The following ARID4B variants were observed in gnomAD, a reference collection of about 807,000 sequenced individuals.
ARID4B encodes the protein AT-rich interactive domain-containing protein 4B.
Under a neutral mutation model 147.5 loss-of-function variants are expected in ARID4B, and 26 were observed. The ratio of observed to expected loss-of-function variants is 0.18; its 90% confidence interval spans 0.13 to 0.24. The LOEUF is 0.24. Among genes scored for constraint, ARID4B ranks in the 10% least tolerant of loss-of-function variants. The probability of loss-of-function intolerance (pLI) is 1.00; values close to 1 mark genes in which losing one functional copy is unlikely to be tolerated. For missense variants in ARID4B, 1,179 were observed against 1,511.5 expected (o/e 0.78, Z 3.65); for synonymous variants, 512 against 507.9 (o/e 1.01, Z -0.11).
chr1:235,193,310 T>A (rs1305573441), intron 19 of ARID4B, among the ~76,000 whole-genome samples: 1 of 152,038 alleles, frequency 6.6e-6, no homozygotes, highest in African/African-American at 2.4e-5. Context: ...GGTGTGAGGA[T>A]CTTTAGAGTC....
intron 17 of ARID4B, among the ~76,000 whole-genome samples, chr1:235,203,182 C>T (rs1666068378): frequency 6.6e-6 from 1 of 152,154 alleles, no homozygotes; most frequent in African/African-American, 2.4e-5. Flanking sequence ...TTGCTCTCAC[C>T]ACAGAAAAAT....
intron 19 of ARID4B, among the ~76,000 whole-genome samples, chr1:235,187,731 T>G (rs1314585762): frequency 6.6e-6 from 1 of 152,216 alleles, no homozygotes; most frequent in Non-Finnish European, 1.5e-5. Context: ...TATGCATTCA[T>G]ATGATGATCA....
chr1:235,198,856 T>C (rs1004966679), intron 17 of ARID4B, among the ~76,000 whole-genome samples: 5 of 152,292 alleles, frequency 3.3e-5, no homozygotes, highest in African/African-American at 1.2e-4. Flanking sequence ...TCCCAGCACT[T>C]TGGAAGGCTG....
chr1:235,289,059 T>A (rs1198618409), intron 2 of ARID4B, among the ~76,000 whole-genome samples: 1 of 152,188 alleles, frequency 6.6e-6, no homozygotes, highest in Non-Finnish European at 1.5e-5. Context: ...CAGGAATAAA[T>A]GGCCAAATTC....
intron 2 of ARID4B, among the ~76,000 whole-genome samples, chr1:235,278,802 T>C (rs1299134874): frequency 1.3e-5 from 2 of 152,238 alleles, no homozygotes; most frequent in African/African-American, 4.8e-5. Flanking sequence ...TTGGTATTCC[T>C]GTACATGGGA....
At chr1:235,169,231 T>TA (rs978140392) in intron 23 of ARID4B, among the ~76,000 whole-genome samples, 4 of 144,978 alleles carry the variant, frequency 2.8e-5, no homozygotes, top group African/African-American at 5.4e-5. Context: ...CCTTTTTTCG[T>TA]TTTTTTTTGT....
intron 2 of ARID4B, 68 bp from the exon 3 acceptor site, chr1:235,260,820 TAGTG>T: frequency 9.3e-7 from 1 of 1,074,764 alleles, no homozygotes; most frequent in South Asian, 1.4e-5. Context: ...GACCTCAGAA[TAGTG>T]AGCCTAATCT....
chr1:235,268,178 C>G (rs897216590), intron 2 of ARID4B, among the ~76,000 whole-genome samples: 1 of 152,042 alleles, frequency 6.6e-6, no homozygotes, highest in Non-Finnish European at 1.5e-5. Flanking sequence ...ATCCATTACC[C>G]GGACCAAATA....
At chr1:235,265,009 G>A (rs1315118366) in intron 2 of ARID4B, among the ~76,000 whole-genome samples, 1 of 141,256 alleles carries the variant, frequency 7.1e-6, no homozygotes, top group African/African-American at 2.7e-5. Context: ...GCAGTGAGCC[G>A]AGATCATGCC....
At chr1:235,273,778 T>A (rs565722290) in intron 2 of ARID4B, among the ~76,000 whole-genome samples, 1 of 152,292 alleles carries the variant, frequency 6.6e-6, no homozygotes, top group Admixed American at 6.5e-5. Context: ...AACACAAATA[T>A]GGCACAGACT....
chr1:235,195,767 G>C (rs1465414873), intron 18 of ARID4B, among the ~76,000 whole-genome samples: 3 of 152,154 alleles, frequency 2.0e-5, no homozygotes, highest in African/African-American at 7.2e-5. Context: ...TTGGGAACTA[G>C]AGGGGAAGGA....
chr1:235,187,877 G>A (rs1664801397), intron 19 of ARID4B, among the ~76,000 whole-genome samples: 1 of 152,034 alleles, frequency 6.6e-6, no homozygotes, highest in African/African-American at 2.4e-5. Flanking sequence ...ACTCATTGTT[G>A]AACTAACAGG....
chr1:235,306,884 A>C (rs1048688360), intron 2 of ARID4B, among the ~76,000 whole-genome samples: 1 of 152,034 alleles, frequency 6.6e-6, no homozygotes, highest in African/African-American at 2.4e-5. Flanking sequence ...TCTCAAACTC[A>C]AAGTAAACTT....
At chr1:235,326,777 G>C (rs933420454) in intron 2 of ARID4B, 137 bp downstream of exon 2, 1 of 1,113,428 alleles carries the variant, frequency 9.0e-7, no homozygotes, top group Non-Finnish European at 1.4e-6. Flanking sequence ...GGTCTCTCTG[G>C]GGAAGGGCTC....
At chr1:235,302,921 A>T (rs2103252634) in intron 2 of ARID4B, among the ~76,000 whole-genome samples, 1 of 128,878 alleles carries the variant, frequency 7.8e-6, no homozygotes, top group East Asian at 2.0e-4. Context: ...GAGAGTTTAT[A>T]TTCTTCTTTT....
chr1:235,212,156 A>G (rs960654698), intron 17 of ARID4B, among the ~76,000 whole-genome samples: 1 of 152,164 alleles, frequency 6.6e-6, no homozygotes, highest in Non-Finnish European at 1.5e-5. Context: ...GCAGCACAAG[A>G]ATCGCTTGAG....
Position 235,252,736 on chromosome 1 carries a change from T to C in ARID4B, c.348A>G (p.Glu116=), listed in dbSNP as rs1669722308. Residue 116 remains glutamate (E), a synonymous_variant, in exon 6 of 24, where the codon GAA becomes GAG. Transcript: ENST00000264183. The stretch of plus-strand genomic sequence containing the variant: ...TTGTTAAATGATGACTTACTTCACT[T>C]TCAGCAAAATGCCTCTCTCCTTTCA... ...LCLKGERHFA[E]SETLDQLPLT... is the part of the protein sequence containing the mutation. 6.2e-7 allele frequency: 1 copy of C among 1,610,748 alleles called. No individual in the cohort carries two copies. The highest frequency in any genetic ancestry group is 1.1e-5 in the South Asian group (1 of 90,544).
chr1:235,219,497 C>G (rs1308087854), intron 16 of ARID4B, among the ~76,000 whole-genome samples: 1 of 152,086 alleles, frequency 6.6e-6, no homozygotes, highest in Non-Finnish European at 1.5e-5. Context: ...GACATAGCCC[C>G]AAGTTTATAT....
chr1:235,315,081 A>G (rs997814171), intron 2 of ARID4B, among the ~76,000 whole-genome samples: 1 of 152,160 alleles, frequency 6.6e-6, no homozygotes, highest in Non-Finnish European at 1.5e-5. Flanking sequence ...TTATCTATAA[A>G]CTAGAGAAAA....
Sources: gnomAD v4.1 joint callset for allele counts (sites outside exome capture counted in the v4.1 genomes callset) on GRCh38, gnomAD v4.1.1 for gene constraint, MANE v1.5 for transcripts, NCBI Gene and HGNC (gene_info 2026-07-23, HGNC 2026-07-21) for gene names.